ALK: variants seen among roughly 807,000 people sequenced by gnomAD.
The protein encoded by ALK is ALK receptor tyrosine kinase.
ALK carries 74 observed loss-of-function variants against 163.1 expected under a neutral mutation model. The observed-to-expected ratio is 0.45, with a 90% CI of 0.38 to 0.55. The LOEUF (loss-of-function observed/expected upper bound fraction) is 0.55, where lower values mean the gene tolerates loss of function less well. ALK is among the 20% of genes least tolerant of loss of function. The pLI is 0.00. For synonymous variants in ALK, 960 were observed against 843.2 expected (o/e 1.14, Z -2.40); for missense variants, 2,063 against 2,105.3 (o/e 0.98, Z 0.39).
At chr2:29,441,489 C>A (rs1329378791) in intron 4 of ALK, among the ~76,000 whole-genome samples, 1 of 152,184 alleles carries the variant, frequency 6.6e-6, no homozygotes, top group Non-Finnish European at 1.5e-5. Context: ...ACCAGGGAAG[C>A]TCTTGATCAG....
At chr2:29,796,633 T>C (rs764766011) in intron 1 of ALK, among the ~76,000 whole-genome samples, 1 of 152,218 alleles carries the variant, frequency 6.6e-6, no homozygotes, top group Non-Finnish European at 1.5e-5. Context: ...CCCTGTCTGC[T>C]TCAACCCAGC....
chr2:29,700,597 T>C (rs532616893), intron 2 of ALK, among the ~76,000 whole-genome samples: 1 of 152,180 alleles, frequency 6.6e-6, no homozygotes, highest in South Asian at 2.1e-4. Context: ...AGTTGCAGGA[T>C]GAACGAGTGA....
chr2:29,798,223 T>C (rs919794193), intron 1 of ALK, among the ~76,000 whole-genome samples: 8 of 152,248 alleles, frequency 5.3e-5, no homozygotes, highest in Non-Finnish European at 7.3e-5. Flanking sequence ...AAAGCCTCTC[T>C]TTGTGTGTGT....
At chr2:29,475,069 C>T (rs966053430) in intron 4 of ALK, among the ~76,000 whole-genome samples, 4 of 152,176 alleles carry the variant, frequency 2.6e-5, no homozygotes, top group Non-Finnish European at 5.9e-5. Flanking sequence ...ATCTCCTCCA[C>T]TCACTCATCT....
chr2:29,611,958 C>T (rs1039306430), intron 3 of ALK, among the ~76,000 whole-genome samples: 4 of 152,140 alleles, frequency 2.6e-5, no homozygotes, highest in African/African-American at 9.7e-5. Context: ...CAGACTAATA[C>T]AATAAATAAA....
chr2:29,717,892 G>A (rs1679309866), intron 1 of ALK, among the ~76,000 whole-genome samples, 195 bp from the exon 2 acceptor site: 1 of 152,184 alleles, frequency 6.6e-6, no homozygotes, highest in Non-Finnish European at 1.5e-5. Flanking sequence ...ATCAAGGGCA[G>A]ACAGATCTAA....
At chr2:29,332,651 C>G (rs907279101) in intron 5 of ALK, among the ~76,000 whole-genome samples, 5 of 152,140 alleles carry the variant, frequency 3.3e-5, no homozygotes, top group African/African-American at 1.2e-4. Flanking sequence ...ACATATAGGC[C>G]TTAAAATAAT....
chr2:29,837,598 C>A (rs1357589836), intron 1 of ALK, among the ~76,000 whole-genome samples: 4 of 152,162 alleles, frequency 2.6e-5, no homozygotes, highest in African/African-American at 7.2e-5. Context: ...CCCAGAAAGT[C>A]CATGCTTAGG....
At chr2:29,609,569 T>C (rs546140491) in intron 3 of ALK, among the ~76,000 whole-genome samples, 1 of 152,202 alleles carries the variant, frequency 6.6e-6, no homozygotes, top group Non-Finnish European at 1.5e-5. Context: ...GTTGCACCAA[T>C]GCAGTGATCC....
intron 4 of ALK, among the ~76,000 whole-genome samples, chr2:29,452,085 G>A (rs1028573770): frequency 2.6e-5 from 4 of 152,144 alleles, no homozygotes; most frequent in South Asian, 2.1e-4. Flanking sequence ...TATATTTAAC[G>A]AAGGAGGTTG....
At position 29,529,609 on chromosome 2, in the gene ALK, C is replaced by T. The variant is rs115028710; in HGVS notation, c.1154+2306G>A. Among the ~76,000 whole-genome samples the T allele has an allele frequency of 7.5e-3, 1,142 of 152,348 alleles. 7 individuals carry two copies. Among genetic ancestry groups the T allele is most frequent in the Non-Finnish European group, 0.011 (767 of 68,034 alleles). ...GCTGGGCAAGTTTTGATTTGCTGGG[C>T]AAATGCCCTGTTCCTTGCAGCTGGC... is the stretch of plus-strand genomic sequence containing the variant. On this transcript the variant is annotated intron_variant, in intron 4 of 28. Transcript: ENST00000389048.
intron 5 of ALK, among the ~76,000 whole-genome samples, chr2:29,363,480 C>T (rs1349093191): frequency 3.9e-5 from 6 of 152,186 alleles, no homozygotes; most frequent in African/African-American, 1.4e-4. Flanking sequence ...TCTCTCACAC[C>T]CTCATGAGAG....
At chr2:29,890,740 C>T (rs10178257) in intron 1 of ALK, 41,603 of 152,094 alleles carry the variant, frequency 0.27, 6,113 homozygotes, top group East Asian at 0.57. Flanking sequence ...AGCTGTGTCC[C>T]CCCATCTAAG....
intron 3 of ALK, among the ~76,000 whole-genome samples, chr2:29,653,933 C>T (rs145380643): frequency 1.3e-3 from 203 of 152,118 alleles, no homozygotes; most frequent in African/African-American, 4.8e-3. Context: ...AGGGCACATG[C>T]CTGTAATCCC....
chr2:29,254,701 C>A (rs1664908967), intron 11 of ALK, among the ~76,000 whole-genome samples: 1 of 152,100 alleles, frequency 6.6e-6, no homozygotes, highest in Non-Finnish European at 1.5e-5. Flanking sequence ...TAGACGATGA[C>A]CTAGGCAAAG....
At chr2:29,705,596 C>T (rs1208155865) in intron 2 of ALK, among the ~76,000 whole-genome samples, 7 of 152,038 alleles carry the variant, frequency 4.6e-5, no homozygotes. Context: ...GGAGTAACTG[C>T]AAGCACAGAT....
chr2:29,858,576 T>C (rs968245418), intron 1 of ALK, among the ~76,000 whole-genome samples: 2 of 132,542 alleles, frequency 1.5e-5, no homozygotes, highest in South Asian at 2.4e-4. Flanking sequence ...CTACTAAAAA[T>C]ACAAAAAAAA....
chr2:29,360,884 G>A (rs556823517), intron 5 of ALK, among the ~76,000 whole-genome samples: 1 of 152,196 alleles, frequency 6.6e-6, no homozygotes. Flanking sequence ...TCCTAAGAAT[G>A]GGGTATTTCT....
intron 1 of ALK, among the ~76,000 whole-genome samples, chr2:29,778,765 A>G (rs1681249799): frequency 6.6e-6 from 1 of 152,152 alleles, no homozygotes; most frequent in South Asian, 2.1e-4. Context: ...ATCCACTCTT[A>G]TAAGGAAAGG....
Sources: gnomAD v4.1 joint callset for allele counts (sites outside exome capture counted in the v4.1 genomes callset) on GRCh38, gnomAD v4.1.1 for gene constraint, MANE v1.5 for transcripts, NCBI Gene and HGNC (gene_info 2026-07-23, HGNC 2026-07-21) for gene names.